The following CSNK1G1 variants were observed in gnomAD, a reference collection of about 807,000 sequenced individuals.
The protein encoded by CSNK1G1 is casein kinase I isoform gamma-1.
Under a neutral mutation model 59.6 loss-of-function variants are expected in CSNK1G1, and 22 were observed. The observed-to-expected ratio is 0.37, with a 90% CI of 0.26 to 0.53. CSNK1G1 has a LOEUF of 0.53. Ranked by LOEUF, CSNK1G1 falls within the 20% of genes least tolerant of loss-of-function variation. CSNK1G1 has a pLI of 0.89. For synonymous variants in CSNK1G1, 179 were observed against 177.1 expected, an observed-to-expected ratio of 1.01 and a Z score of -0.08; for missense variants, 384 against 519.5, an observed-to-expected ratio of 0.74 and a Z score of 2.54.
At chr15:64,222,588 T>A (rs1159841875) in intron 4 of CSNK1G1, among the ~76,000 whole-genome samples, 2 of 151,472 alleles carry the variant, frequency 1.3e-5, no homozygotes, top group Non-Finnish European at 2.9e-5. Flanking sequence ...CCATATTTTA[T>A]GAAATAACGT....
intron 1 of CSNK1G1, among the ~76,000 whole-genome samples, chr15:64,306,617 G>T (rs1227049644): frequency 6.6e-6 from 1 of 152,132 alleles, no homozygotes; most frequent in Non-Finnish European, 1.5e-5. Flanking sequence ...CTATGACCCA[G>T]CACATTTCTT....
At chr15:64,272,286 G>A (rs1037792132) in intron 2 of CSNK1G1, among the ~76,000 whole-genome samples, 1 of 151,786 alleles carries the variant, frequency 6.6e-6, no homozygotes, top group African/African-American at 2.4e-5. Flanking sequence ...CGCAATCTCG[G>A]CTCACTGCAA....
intron 11 of CSNK1G1, among the ~76,000 whole-genome samples, chr15:64,172,303 C>A (rs181001681): frequency 2.6e-4 from 39 of 152,270 alleles, no homozygotes; most frequent in African/African-American, 8.4e-4. Flanking sequence ...AGATGCCTCA[C>A]CTTATCAAGA....
chr15:64,295,025 A>G (rs191064805), intron 2 of CSNK1G1, among the ~76,000 whole-genome samples: 15 of 150,552 alleles, frequency 1.0e-4, no homozygotes, highest in Admixed American at 5.3e-4. Context: ...AGGTCAGGAG[A>G]TCAAGACCAT....
At chr15:64,279,823 T>C (rs1239143976) in intron 2 of CSNK1G1, among the ~76,000 whole-genome samples, 1 of 151,722 alleles carries the variant, frequency 6.6e-6, no homozygotes, top group African/African-American at 2.4e-5. Flanking sequence ...AATACAAAAA[T>C]TAGCCAGGCA....
At chr15:64,201,570 TCTC>T (rs2082107823) in intron 10 of CSNK1G1, among the ~76,000 whole-genome samples, 1 of 152,282 alleles carries the variant, frequency 6.6e-6, no homozygotes, top group East Asian at 1.9e-4. Context: ...CCACCTATTT[TCTC>T]GTTTATATGT....
At chr15:64,243,112 C>T (rs1379454427) in intron 4 of CSNK1G1, among the ~76,000 whole-genome samples, 3 of 151,968 alleles carry the variant, frequency 2.0e-5, no homozygotes, top group South Asian at 2.1e-4. Context: ...TTGAGGAGGG[C>T]GGATCATGAG....
chr15:64,303,695 AGCCGAGATCAT>A (rs1044489455), intron 1 of CSNK1G1, among the ~76,000 whole-genome samples: 10 of 151,208 alleles, frequency 6.6e-5, no homozygotes, highest in Non-Finnish European at 1.5e-4. Context: ...GGTTGCAGTG[AGCCGAGATCAT>A]GCCATTGCAC....
At chr15:64,289,791 A>G (rs893650380) in intron 2 of CSNK1G1, among the ~76,000 whole-genome samples, 2 of 152,202 alleles carry the variant, frequency 1.3e-5, no homozygotes, top group African/African-American at 4.8e-5. Context: ...AACCTCATCT[A>G]AAAGTGAGCA....
At chr15:64,189,212 A>C in intron 10 of CSNK1G1, 2 of 380,938 alleles carry the variant, frequency 5.3e-6, no homozygotes, top group Non-Finnish European at 7.3e-6. Flanking sequence ...TGAATTAGAA[A>C]AAGTTTACTT....
At chr15:64,293,214 T>C (rs1028611122) in intron 2 of CSNK1G1, among the ~76,000 whole-genome samples, 3 of 152,122 alleles carry the variant, frequency 2.0e-5, no homozygotes, top group African/African-American at 7.2e-5. Flanking sequence ...TATCCATCAA[T>C]TTTCCCTTCT....
chr15:64,191,716 T>G (rs1350800018), intron 10 of CSNK1G1, among the ~76,000 whole-genome samples: 1 of 152,184 alleles, frequency 6.6e-6, no homozygotes, highest in Non-Finnish European at 1.5e-5. Context: ...ACACTCTAGA[T>G]TGCTTCATAA....
At chr15:64,198,806 C>G (rs1294908491) in intron 10 of CSNK1G1, among the ~76,000 whole-genome samples, 1 of 150,892 alleles carries the variant, frequency 6.6e-6, no homozygotes, top group African/African-American at 2.4e-5. Flanking sequence ...AAAGGTTGAA[C>G]AGACACTAGA....
At chr15:64,347,656 GAA>G (rs1488039329) in intron 1 of CSNK1G1, among the ~76,000 whole-genome samples, 3 of 150,442 alleles carry the variant, frequency 2.0e-5, no homozygotes, top group African/African-American at 4.9e-5. Context: ...GTACAGAAAA[GAA>G]AAGAGAAAAG....
intron 1 of CSNK1G1, among the ~76,000 whole-genome samples, chr15:64,307,585 A>G (rs928431521): frequency 1.3e-5 from 2 of 152,190 alleles, no homozygotes; most frequent in Non-Finnish European, 2.9e-5. Flanking sequence ...GTACATATAT[A>G]TATACATACA....
At chr15:64,259,055 A>T in intron 3 of CSNK1G1, 146 bp downstream of exon 3, 4 of 619,638 alleles carry the variant, frequency 6.5e-6, no homozygotes, top group Non-Finnish European at 1.1e-5. Context: ...TTAACACTAT[A>T]AATGAAGAAA....
chr15:64,333,578 C>CCT (rs1897233526), intron 1 of CSNK1G1, among the ~76,000 whole-genome samples: 1 of 151,898 alleles, frequency 6.6e-6, no homozygotes, highest in South Asian at 2.1e-4. Flanking sequence ...TAAAGCAGTA[C>CCT]CTCACATCTC....
At chr15:64,341,722 T>C (rs1256441834) in intron 1 of CSNK1G1, among the ~76,000 whole-genome samples, 1 of 152,090 alleles carries the variant, frequency 6.6e-6, no homozygotes, top group African/African-American at 2.4e-5. Flanking sequence ...TGATCCTCCA[T>C]AAGCCACCAC....
chr15:64,251,327 T>A (rs959815844), intron 4 of CSNK1G1, 185 bp downstream of exon 4: 9 of 519,448 alleles, frequency 1.7e-5, no homozygotes, highest in Non-Finnish European at 2.7e-5. Context: ...AGTTCCCCTG[T>A]CAACTCAACT....
Sources: gnomAD v4.1 joint callset for allele counts (sites outside exome capture counted in the v4.1 genomes callset) on GRCh38, gnomAD v4.1.1 for gene constraint, MANE v1.5 for transcripts, NCBI Gene and HGNC (gene_info 2026-07-23, HGNC 2026-07-21) for gene names.